Variants in MTG1 observed in about 807,000 individuals in gnomAD.
MTG1 encodes the protein mitochondrial ribosome-associated GTPase 1.
In MTG1, 30 loss-of-function variants were observed where a neutral mutation model predicts 39.5. That is an observed-to-expected ratio of 0.76 (90% CI 0.57 to 1.03). The LOEUF is 1.03. Among genes scored for constraint, MTG1 ranks in the 50% least tolerant of loss-of-function variants. The probability of loss-of-function intolerance (pLI) is 0.00; values close to 1 mark genes in which losing one functional copy is unlikely to be tolerated. For missense variants in MTG1, 513 were observed against 447.4 expected (o/e 1.15, Z -1.32); for synonymous variants, 217 against 179.0 (o/e 1.21, Z -1.69).
intron 3 of MTG1, among the ~76,000 whole-genome samples, chr10:133,397,788 T>A (rs1002251954): frequency 4.6e-5 from 7 of 151,730 alleles, no homozygotes; most frequent in African/African-American, 1.7e-4. Flanking sequence ...TGTTTTTTTT[T>A]TTTTTTTAAA....
In MTG1 at chr10:133,420,321, ACC is replaced by A; in HGVS notation, c.*159_*160del. 1 of 911,986 alleles carries A rather than the reference ACC, an allele frequency of 1.1e-6. No homozygotes were observed. Among genetic ancestry groups the A allele is most frequent in the Non-Finnish European group, 1.5e-6 (1 of 651,396 alleles). 56.5% of individuals were successfully genotyped at this position (911,986 alleles called of 1,614,324 possible). On this transcript the variant is annotated 3_prime_UTR_variant, in exon 11 of 11. Coordinates refer to ENST00000317502, the MANE Select transcript of MTG1 (RefSeq NM_138384.4). ...CCCCACAGCCTGGCCAGCTCCAGGG[ACC>A]CCAGTTGCAGGGCCCAAGCAGGTGG...
chr10:133,398,282 C>T (rs1008428341), intron 3 of MTG1, among the ~76,000 whole-genome samples, 153 bp from the exon 4 acceptor site: 1 of 152,174 alleles, frequency 6.6e-6, no homozygotes, highest in Non-Finnish European at 1.5e-5. Flanking sequence ...TGCCTGTAAT[C>T]CCTGCTACTT....
intron 9 of MTG1, 31 bp from the exon 10 acceptor site, chr10:133,419,449 C>T: frequency 6.4e-7 from 1 of 1,554,152 alleles, no homozygotes; most frequent in Middle Eastern, 2.2e-4. Context: ...AGTGCTGGGC[C>T]CCCTGGTGCT....
intron 6 of MTG1, among the ~76,000 whole-genome samples, chr10:133,400,938 C>T (rs996555181): frequency 1.3e-5 from 2 of 152,252 alleles, no homozygotes; most frequent in African/African-American, 2.4e-5. Flanking sequence ...CTTTTTAAGG[C>T]TGATCACCCC....
At chr10:133,396,606 C>T (rs970358107) in intron 3 of MTG1, among the ~76,000 whole-genome samples, 11 of 152,070 alleles carry the variant, frequency 7.2e-5, no homozygotes, top group African/African-American at 2.7e-4. Context: ...CGAGCTTTTC[C>T]AGTGTAATAA....
At chr10:133,399,346 C>T in intron 5 of MTG1, 120 bp downstream of exon 5, 1 of 1,298,860 alleles carries the variant, frequency 7.7e-7, no homozygotes. Flanking sequence ...CCTCCTTTGT[C>T]CTCTCATTCT....
At chr10:133,403,005 TTC>T (rs1471542990) in intron 9 of MTG1, among the ~76,000 whole-genome samples, 1 of 149,826 alleles carries the variant, frequency 6.7e-6, no homozygotes, top group Non-Finnish European at 1.5e-5. Context: ...CTGCTCCTCT[TTC>T]GTGAAATCAA....
chr10:133,398,596 T>G (rs1849823179), intron 4 of MTG1, 81 bp downstream of exon 4: 4 of 1,455,880 alleles, frequency 2.7e-6, no homozygotes, highest in Non-Finnish European at 3.7e-6. Flanking sequence ...TATGCTTTAG[T>G]AAGAAGCAGA....
intron 9 of MTG1, among the ~76,000 whole-genome samples, chr10:133,405,224 G>A (rs933929372): frequency 5.3e-5 from 8 of 152,144 alleles, no homozygotes; most frequent in African/African-American, 1.9e-4. Flanking sequence ...ACAGTGTTTT[G>A]TAAGATTTAT....
At chr10:133,411,181 G>T (rs1589916358) in intron 9 of MTG1, among the ~76,000 whole-genome samples, 1 of 151,782 alleles carries the variant, frequency 6.6e-6, no homozygotes, top group African/African-American at 2.4e-5. Flanking sequence ...ACTCTTTCAT[G>T]TTTGAAGGTG....
At chr10:133,413,918 C>CT (rs1285224313) in intron 9 of MTG1, among the ~76,000 whole-genome samples, 1,651 of 136,082 alleles carry the variant, frequency 0.012, 6 homozygotes, top group Non-Finnish European at 0.017. Flanking sequence ...GTTTTCTTTT[C>CT]TTTTTTTTTT....
Position 133,420,451 on chromosome 10 carries a change from A to G in MTG1, c.*286A>G. On this transcript the variant is annotated 3_prime_UTR_variant, in exon 11 of 11. Coordinates refer to ENST00000317502, the MANE Select transcript of MTG1 (RefSeq NM_138384.4). ...CCTCTTGAGAAATGGATGCTGTCTCAGAAGGAGTTAAAGCTATAACCTGTA... is the reference window on the plus strand; with the variant it reads ...CCTCTTGAGAAATGGATGCTGTCTCGGAAGGAGTTAAAGCTATAACCTGTA... 2.5e-6 allele frequency: 1 copy of G among 399,920 alleles called. No individual in the cohort carries two copies. The highest frequency in any genetic ancestry group is 4.4e-6 in the Non-Finnish European group (1 of 225,628). 24.8% of individuals were successfully genotyped at this position (399,920 alleles called of 1,614,324 possible).
chr10:133,403,561 G>A (rs11817590), intron 9 of MTG1, among the ~76,000 whole-genome samples: 449 of 152,282 alleles, frequency 2.9e-3, no homozygotes, highest in African/African-American at 0.01. Context: ...TCTGTCACTC[G>A]GCACGATTGT....
intron 9 of MTG1, among the ~76,000 whole-genome samples, chr10:133,403,661 T>C (rs1849921247): frequency 6.6e-6 from 1 of 152,220 alleles, no homozygotes; most frequent in African/African-American, 2.4e-5. Context: ...CTGCAGTCTG[T>C]CCCTTCACCC....
At chr10:133,403,325 CGTG>C (rs1849914958) in intron 9 of MTG1, among the ~76,000 whole-genome samples, 1 of 74,952 alleles carries the variant, frequency 1.3e-5, no homozygotes, top group Non-Finnish European at 2.9e-5. Context: ...GCTCCTCCTT[CGTG>C]AAATCAAGGA....
chr10:133,416,951 C>T (rs1427621055), intron 9 of MTG1, among the ~76,000 whole-genome samples: 4 of 151,730 alleles, frequency 2.6e-5, no homozygotes, highest in Non-Finnish European at 5.9e-5. Context: ...ATGGTATTTC[C>T]AGTTCTAGAT....
Position 133,402,549 on chromosome 10 carries a change from TC to T in MTG1, c.671-142del. 1 of 799,852 alleles carries T rather than the reference TC, an allele frequency of 1.3e-6. No homozygotes were observed. Among genetic ancestry groups the T allele is most frequent in the Non-Finnish European group, 2.0e-6 (1 of 498,718 alleles). The allele number at this position is 799,852 out of a possible 1,614,324, so 49.5% of individuals were successfully genotyped here. On this transcript the variant is annotated intron_variant, in intron 8 of 10. Transcript: ENST00000317502. The surrounding 1 kb of genome is among the most constrained non-coding windows in gnomAD (Gnocchi z 4.7). ...CCGGGACCACAGCCGAGTGCCGTCC[TC>T]TTGGTTAGTGTCTTTGTCAGTGGCT... is the stretch of plus-strand genomic sequence containing the variant.
rs965582879 is a variant in MTG1 at position 133,419,342 on chromosome 10, C to T, written c.753-138C>T. On this transcript the variant is annotated intron_variant, in intron 9 of 10. Coordinates refer to ENST00000317502, the MANE Select transcript of MTG1 (RefSeq NM_138384.4). ...CACCTGCAGTCTCATCTTGGTCATC[C>T]ACAGCGCCGCAGTCACTGTCACCCA... 16 of 631,300 alleles carry T rather than the reference C, an allele frequency of 2.5e-5. No individual in the cohort carries two copies. The African/African-American group carries it at 2.8e-4, about 11-fold the overall frequency. The allele number at this position is 631,300 out of a possible 1,614,324, so 39.1% of individuals were successfully genotyped here.
chr10:133,407,350 C>A (rs962085589), intron 9 of MTG1, among the ~76,000 whole-genome samples: 1 of 152,078 alleles, frequency 6.6e-6, no homozygotes, highest in Admixed American at 6.5e-5. Flanking sequence ...ATTTTGATAA[C>A]GATTGCATTA....
Sources: allele counts gnomAD v4.1 joint callset (sites outside exome capture counted in the v4.1 genomes callset), GRCh38; gene constraint gnomAD v4.1.1; non-coding constraint Gnocchi (gnomAD v3.1); transcripts MANE v1.5; gene names NCBI Gene and HGNC (gene_info 2026-07-23, HGNC 2026-07-21).